The following KSR2 variants were observed in gnomAD, a reference collection of about 807,000 sequenced individuals.
KSR2 encodes kinase suppressor of ras 2.
KSR2 carries 25 observed loss-of-function variants against 107.8 expected under a neutral mutation model. The ratio of observed to expected loss-of-function variants is 0.23; its 90% CI spans 0.17 to 0.32. KSR2 has a LOEUF of 0.32. KSR2 is among the 10% of genes least tolerant of loss of function. The probability of loss-of-function intolerance (pLI) is 1.00; values close to 1 mark genes in which losing one functional copy is unlikely to be tolerated. For missense variants in KSR2, 887 were observed against 1,268.9 expected (o/e 0.70, Z 4.57); for synonymous variants, 480 against 507.0 (o/e 0.95, Z 0.71).
chr12:117,740,330 A>ATATATAT (rs563308499), intron 4 of KSR2, among the ~76,000 whole-genome samples: 26,652 of 139,456 alleles, frequency 0.19, 3,326 homozygotes, highest in South Asian at 0.28. Flanking sequence ...TATATACATT[A>ATATATAT]TATATATGTT....
intron 5 of KSR2, among the ~76,000 whole-genome samples, chr12:117,614,262 C>G (rs1881756696): frequency 6.6e-6 from 1 of 152,148 alleles, no homozygotes; most frequent in Non-Finnish European, 1.5e-5. Context: ...TCTAAGTGGA[C>G]ATATTCTGGT....
chr12:117,635,637 T>C (rs1166098179), intron 5 of KSR2, among the ~76,000 whole-genome samples: 1 of 152,192 alleles, frequency 6.6e-6, no homozygotes, highest in African/African-American at 2.4e-5. Context: ...ATATTTTTAA[T>C]CAAGGTTTAC....
chr12:117,871,830 A>T (rs946947544), intron 1 of KSR2, among the ~76,000 whole-genome samples: 1 of 151,588 alleles, frequency 6.6e-6, no homozygotes, highest in African/African-American at 2.4e-5. Context: ...TAAGATATGG[A>T]TTTTTTTTAA....
chr12:117,616,950 A>G (rs116669375), intron 5 of KSR2, among the ~76,000 whole-genome samples: 1,938 of 152,318 alleles, frequency 0.013, 49 homozygotes, highest in African/African-American at 0.045. Context: ...TGTAATGAAC[A>G]AAAGCTAGGA....
At chr12:117,808,805 C>A (rs1891095216) in intron 3 of KSR2, among the ~76,000 whole-genome samples, 1 of 152,216 alleles carries the variant, frequency 6.6e-6, no homozygotes, top group Non-Finnish European at 1.5e-5. Context: ...CCTCCCAGGC[C>A]ACATCTAGAT....
At chr12:117,741,952 G>C (rs1336413252) in intron 4 of KSR2, among the ~76,000 whole-genome samples, 1 of 152,300 alleles carries the variant, frequency 6.6e-6, no homozygotes, top group East Asian at 1.9e-4. Flanking sequence ...ATTTCAACTG[G>C]TGAGAGAGTA....
chr12:117,526,192 T>C (rs567441277), intron 13 of KSR2, among the ~76,000 whole-genome samples: 2 of 152,332 alleles, frequency 1.3e-5, no homozygotes, highest in African/African-American at 4.8e-5. Flanking sequence ...ATTTTTATCA[T>C]GCACACACAC....
intron 3 of KSR2, among the ~76,000 whole-genome samples, chr12:117,840,100 A>AT (rs60718801): frequency 0.14 from 18,197 of 132,850 alleles, 2,258 homozygotes; most frequent in African/African-American, 0.37. Context: ...ACTTTATTTT[A>AT]TTTTATTTTT....
chr12:117,479,572 A>C (rs76196051), intron 16 of KSR2, among the ~76,000 whole-genome samples: 6,679 of 152,252 alleles, frequency 0.044, 511 homozygotes, highest in African/African-American at 0.15. Flanking sequence ...GACAACTAAA[A>C]ATGTCTTCAG....
At chr12:117,626,628 T>C (rs1043410623) in intron 5 of KSR2, among the ~76,000 whole-genome samples, 13 of 152,232 alleles carry the variant, frequency 8.5e-5, no homozygotes, top group African/African-American at 3.1e-4. Flanking sequence ...CTTCCAATTA[T>C]GTGATCAATT....
intron 9 of KSR2, among the ~76,000 whole-genome samples, chr12:117,549,912 T>C (rs1227495529): frequency 1.3e-5 from 2 of 152,212 alleles, no homozygotes. Flanking sequence ...CATTAATACG[T>C]ATGGTACTCA....
intron 5 of KSR2, among the ~76,000 whole-genome samples, chr12:117,610,189 A>G (rs1462735063): frequency 6.6e-6 from 1 of 152,172 alleles, no homozygotes; most frequent in East Asian, 1.9e-4. Context: ...TGAAATTTTT[A>G]TAGGATAATT....
intron 5 of KSR2, among the ~76,000 whole-genome samples, chr12:117,656,866 T>C (rs934039142): frequency 6.6e-6 from 1 of 150,434 alleles, no homozygotes. Flanking sequence ...CAGCCTATTG[T>C]AGGACCTTGT....
At chr12:117,958,862 G>C (rs1452180908) in intron 1 of KSR2, among the ~76,000 whole-genome samples, 1 of 152,062 alleles carries the variant, frequency 6.6e-6, no homozygotes, top group African/African-American at 2.4e-5. Context: ...GTCATACTAT[G>C]TAGCCATTAC....
intron 4 of KSR2, among the ~76,000 whole-genome samples, chr12:117,674,881 T>G (rs115941733): frequency 0.013 from 1,923 of 152,292 alleles, 45 homozygotes; most frequent in African/African-American, 0.043. Flanking sequence ...ACACCTACCC[T>G]CCAACTTCTT....
rs1458652096 is a variant in KSR2, at chr12:117,580,930, G to A, written c.1241+1360C>T. Among the ~76,000 whole-genome samples the A allele has an allele frequency of 2.0e-5, 3 of 152,024 alleles. No homozygotes were observed. The East Asian group carries it at 5.8e-4, about 29-fold the overall frequency. ...CAAGAATGGGGATGAGCCAGGGGCA[G>A]GGCCAGTCCAGGGGGCACGGTTGAT... On this transcript the variant is annotated intron_variant, in intron 6 of 19. Transcript: ENST00000339824.
chr12:117,770,971 C>T (rs574513580), intron 3 of KSR2, among the ~76,000 whole-genome samples: 163 of 125,964 alleles, frequency 1.3e-3, no homozygotes, highest in African/African-American at 4.9e-3. Context: ...AGCGAGACTC[C>T]GTCTCAAAAA....
At chr12:117,775,641 G>A (rs1191884260) in intron 3 of KSR2, among the ~76,000 whole-genome samples, 1 of 152,146 alleles carries the variant, frequency 6.6e-6, no homozygotes, top group South Asian at 2.1e-4. Context: ...AATAGGAAAC[G>A]AGTACCCAGG....
chr12:117,525,306 G>C, intron 13 of KSR2, 87 bp from the exon 14 acceptor site: 1 of 1,399,712 alleles, frequency 7.1e-7, no homozygotes, highest in Non-Finnish European at 9.6e-7. Context: ...GTGCACATGC[G>C]TAGGTCTGGG....
Sources: gnomAD v4.1 joint callset for allele counts (sites outside exome capture counted in the v4.1 genomes callset) on GRCh38, gnomAD v4.1.1 for gene constraint, MANE v1.5 for transcripts, NCBI Gene and HGNC (gene_info 2026-07-23, HGNC 2026-07-21) for gene names.